The following PTPN2 variants were observed in gnomAD, a reference collection of about 807,000 sequenced individuals.
PTPN2 encodes the protein protein tyrosine phosphatase non-receptor type 2.
In PTPN2, 19 loss-of-function variants were observed where a neutral mutation model predicts 57.3. That is an observed-to-expected ratio of 0.33 (90% confidence interval 0.23 to 0.49). The LOEUF is 0.49. Among genes scored for constraint, PTPN2 ranks in the 20% least tolerant of loss-of-function variants. The pLI, the probability that PTPN2 is intolerant of heterozygous loss-of-function variation, is 0.99. For missense variants in PTPN2, 358 were observed against 501.1 expected (o/e 0.71, Z 2.73); for synonymous variants, 153 against 164.9 (o/e 0.93, Z 0.55).
At chr18:12,796,557 C>G (rs896863831) in intron 8 of PTPN2, among the ~76,000 whole-genome samples, 18 of 152,166 alleles carry the variant, frequency 1.2e-4, no homozygotes, top group African/African-American at 4.3e-4. Flanking sequence ...TCAGCTGCCA[C>G]AGAAAACAGT....
At position 12,867,800 on chromosome 18, in the gene PTPN2, T is replaced by TA. The variant is rs139253655; in HGVS notation, c.70-8547dup. Among the ~76,000 whole-genome samples the TA allele has an allele frequency of 5.1e-3, 775 of 152,336 alleles. 6 individuals carry two copies. Among genetic ancestry groups the TA allele is most frequent in the African/African-American group, 0.017 (704 of 41,552 alleles). On this transcript the variant is annotated intron_variant, in intron 1 of 8. Transcript: ENST00000309660. ...CTACTTGGTACTGAACATTCTATTT[T>TA]AACAATTGTGTGTTATAACTTTAAA...
Position 12,794,297 on chromosome 18 carries a change from A to G in PTPN2, c.1229T>C (p.Phe410Ser), listed in dbSNP as rs769245865. 1.2e-5 allele frequency: 19 copies of G among 1,614,110 alleles called. No homozygotes were observed. In the South Asian group the frequency reaches 2.1e-4, roughly 18 times the overall value. Residue 410 changes from phenylalanine (F) to serine (S), a missense_variant, in exon 9 of 9, where the codon TTT (phenylalanine) becomes TCT (serine). This residue lies in a region of PTPN2 where 96 missense variants were observed against 110.8 expected (regional missense o/e 0.87). Coordinates refer to ENST00000309660, the MANE Select transcript of PTPN2 (RefSeq NM_002828.4). The stretch of plus-strand genomic sequence containing the variant: ...AATTGTTTATAGGGCATTTTGCTGA[A>G]AAAACAGTGTCCAGCCAACAAAAGC... ...VGAFVGWTLF[F>S]QQNAL
At chr18:12,847,404 G>C (rs1192374274) in intron 2 of PTPN2, among the ~76,000 whole-genome samples, 1 of 152,134 alleles carries the variant, frequency 6.6e-6, no homozygotes. Flanking sequence ...ACAGGATAAA[G>C]AACTCTTTTT....
chr18:12,848,732 T>C (rs2043295251), intron 2 of PTPN2, among the ~76,000 whole-genome samples: 1 of 152,262 alleles, frequency 6.6e-6, no homozygotes, highest in Non-Finnish European at 1.5e-5. Flanking sequence ...GAATCACCTA[T>C]GTGGGGTTAG....
chr18:12,805,374 T>C (rs989430523), intron 7 of PTPN2, among the ~76,000 whole-genome samples: 31 of 151,788 alleles, frequency 2.0e-4, no homozygotes, highest in Admixed American at 5.2e-4. Context: ...TGAGAATCGC[T>C]TGAACCCAGA....
At position 12,792,829 on chromosome 18, in the gene PTPN2, G is replaced by C; in HGVS notation, c.*1449C>G. 2 of 790,014 alleles carry C rather than the reference G, an allele frequency of 2.5e-6. No individual in the cohort carries two copies. Among genetic ancestry groups the C allele is most frequent in the Non-Finnish European group, 3.1e-6 (2 of 651,898 alleles). 48.9% of individuals were successfully genotyped at this position (790,014 alleles called of 1,614,324 possible). A position where few individuals can be genotyped will look rare whatever the true frequency, so the allele number is the denominator to read the frequency against. ...TGGTCTTGAACTCCTGACCTCAGGT[G>C]ATCTGCCCACTTCAGCCTCCCAAAG... On this transcript the variant is annotated 3_prime_UTR_variant, in exon 9 of 9. Transcript: ENST00000309660.
Position 12,793,294 on chromosome 18 carries a change from GAA to G in PTPN2, c.*982_*983del, listed in dbSNP as rs2041038869. On this transcript the variant is annotated 3_prime_UTR_variant, in exon 9 of 9. Transcript: ENST00000309660. ...CTATTTATTGAAGTAGAAAGAAACT[GAA>G]AAGTGTTTACTTCAAAACTTCAGTC... 1.7e-5 allele frequency: 17 copies of G among 972,556 alleles called. No homozygotes were observed. Among genetic ancestry groups the G allele is most frequent in the South Asian group, 9.5e-5 (2 of 20,986 alleles). 60.2% of individuals were successfully genotyped at this position (972,556 alleles called of 1,614,324 possible). A position where few individuals can be genotyped will look rare whatever the true frequency, so the allele number is the denominator to read the frequency against.
chr18:12,839,324 G>T (rs955394259), intron 2 of PTPN2, among the ~76,000 whole-genome samples: 20 of 152,240 alleles, frequency 1.3e-4, no homozygotes, highest in Middle Eastern at 3.4e-3. Flanking sequence ...CTATCAGTCA[G>T]CCCCAAATCT....
At chr18:12,861,830 TGCA>T (rs1254715782) in intron 1 of PTPN2, among the ~76,000 whole-genome samples, 2 of 152,190 alleles carry the variant, frequency 1.3e-5, no homozygotes, top group African/African-American at 4.8e-5. Flanking sequence ...ATCTGTCAGG[TGCA>T]GATTTCTATT....
chr18:12,814,382 A>G (rs761055158), intron 6 of PTPN2, 27 bp from the exon 7 acceptor site: 12 of 1,559,812 alleles, frequency 7.7e-6, no homozygotes, highest in South Asian at 1.2e-5. Context: ...AAATGAGACA[A>G]GTCTTGTTAT....
intron 1 of PTPN2, chr18:12,862,156 C>CTTTTTTT (rs71174145): frequency 6.9e-6 from 1 of 144,184 alleles, no homozygotes. Flanking sequence ...CTTTCTCTTT[C>CTTTTTTT]TTTTTTTTTT....
In PTPN2 at chr18:12,836,834, A is replaced by G; in HGVS notation, c.218T>C (p.Leu73Ser). The change falls in exon 3 of 9, where the codon TTA (leucine) becomes TCA (serine). Residue 73 changes from leucine to serine, a missense_variant. Leu to Ser is a moderately radical substitution (Grantham distance 145, BLOSUM62 -2). Around this residue, in one of 4 missense-constraint regions of PTPN2, gnomAD observed 193 missense variants for 315.4 expected, o/e 0.61. Coordinates refer to ENST00000309660, the MANE Select transcript of PTPN2 (RefSeq NM_002828.4). ...NAENDYINAS[L>S]VDIEEAQRSY... is the part of the protein sequence containing the mutation. ...CCTTTGTGCCTCTTCTATGTCAACT[A>G]AACTGGCATTAATATAATCATTCTC... The G allele has an allele frequency of 6.2e-7, 1 of 1,611,122 alleles. No individual in the cohort carries two copies. The highest frequency in any genetic ancestry group is 2.2e-5 in the East Asian group (1 of 44,798).
chr18:12,862,004 A>G (rs895103983), intron 1 of PTPN2: 8 of 152,322 alleles, frequency 5.3e-5, no homozygotes, highest in Admixed American at 3.9e-4. Flanking sequence ...TTCTCAGCTA[A>G]TAAGATCTCT....
chr18:12,794,526 A>G (rs2041093190), intron 8 of PTPN2, 41 bp from the exon 9 acceptor site: 1 of 1,602,974 alleles, frequency 6.2e-7, no homozygotes, highest in Admixed American at 1.7e-5. Context: ...GTGCACACAG[A>G]GCAGGACTTG....
intron 1 of PTPN2, among the ~76,000 whole-genome samples, chr18:12,865,579 T>C (rs1478757910): frequency 6.6e-6 from 1 of 151,276 alleles, no homozygotes; most frequent in African/African-American, 2.4e-5. Flanking sequence ...CCTGCTGAGG[T>C]GGGCAGATTG....
At chr18:12,819,176 TA>T in intron 5 of PTPN2, 1 of 995,552 alleles carries the variant, frequency 1.0e-6, no homozygotes, top group Admixed American at 2.9e-5. Flanking sequence ...ATAATACTAA[TA>T]AAATACAGTG....
Position 12,817,123 on chromosome 18 carries a change from T to C in PTPN2, c.705+33A>G, listed in dbSNP as rs375192272. The C allele has an allele frequency of 5.1e-5, 79 of 1,550,430 alleles. No homozygotes were observed. In the African/African-American group the frequency reaches 1.0e-3, roughly 20 times the overall value. ...GAAGCAATTTAAAAAAAAAAATCAATGAGATTAAAATGAGATCGTAAGAAG... is the reference window on the plus strand; with the variant it reads ...GAAGCAATTTAAAAAAAAAAATCAACGAGATTAAAATGAGATCGTAAGAAG... On this transcript the variant is annotated intron_variant, in intron 6 of 8. Coordinates refer to ENST00000309660, the MANE Select transcript of PTPN2 (RefSeq NM_002828.4).
At chr18:12,862,735 A>C (rs1439724140) in intron 1 of PTPN2, 4 of 152,206 alleles carry the variant, frequency 2.6e-5, no homozygotes, top group African/African-American at 9.7e-5. Context: ...GCAAGGTAAA[A>C]TGCACATTCC....
At chr18:12,859,971 T>A (rs886839104) in intron 1 of PTPN2, among the ~76,000 whole-genome samples, 1 of 150,956 alleles carries the variant, frequency 6.6e-6, no homozygotes, top group Non-Finnish European at 1.5e-5. Context: ...TGGCCAACAT[T>A]GTGAAAACCC....
Sources: allele counts gnomAD v4.1 joint callset (sites outside exome capture counted in the v4.1 genomes callset), GRCh38; gene constraint gnomAD v4.1.1; regional missense constraint gnomAD v4.1.1; transcripts MANE v1.5; gene names NCBI Gene and HGNC (gene_info 2026-07-23, HGNC 2026-07-21).